The following CHRNA7 variants were observed in gnomAD, a reference collection of about 807,000 sequenced individuals.
CHRNA7 encodes the protein neuronal acetylcholine receptor subunit alpha-7.
Under a neutral mutation model 48.0 loss-of-function variants are expected in CHRNA7, and 17 were observed. That is an observed-to-expected ratio of 0.35 (90% CI 0.24 to 0.53). CHRNA7 has a LOEUF of 0.53. CHRNA7 is among the 20% of genes least tolerant of loss of function. The pLI, the probability that CHRNA7 is intolerant of heterozygous loss-of-function variation, is 0.92. For missense variants in CHRNA7, 155 were observed against 577.7 expected (o/e 0.27, Z 7.50); for synonymous variants, 75 against 242.3 (o/e 0.31, Z 6.41).
rs71476587 is a variant in CHRNA7, at chr15:32,149,219, A to G, written c.351-4688A>G. On this transcript the variant is annotated intron_variant, in intron 4 of 9. Transcript: ENST00000306901. The surrounding 1 kb of genome is among the most constrained non-coding windows in gnomAD (Gnocchi z 4.6). Reference sequence around the variant, plus strand: ...TGGCCATTTTCAGACTATTTAATACAGAACAGTTTACACACAGAAGAGGAG... The same window carrying G: ...TGGCCATTTTCAGACTATTTAATACGGAACAGTTTACACACAGAAGAGGAG... 9.9e-3 allele frequency among the ~76,000 whole-genome samples: 1,513 copies of G among 152,368 alleles called. 13 individuals carry two copies. Among genetic ancestry groups the G allele is most frequent in the Non-Finnish European group, 0.016 (1,080 of 68,040 alleles).
chr15:32,058,070 G>T (rs554366945), intron 2 of CHRNA7, among the ~76,000 whole-genome samples: 1 of 152,318 alleles, frequency 6.6e-6, no homozygotes, highest in East Asian at 1.9e-4. Flanking sequence ...AGGCCAGGGA[G>T]TGATTTACAC....
intron 4 of CHRNA7, among the ~76,000 whole-genome samples, chr15:32,127,990 A>G (rs984629969): frequency 2.0e-5 from 3 of 151,982 alleles, no homozygotes; most frequent in Non-Finnish European, 4.4e-5. Flanking sequence ...AATTTTTGGT[A>G]TGATATCTGA....
At chr15:32,140,618 T>C (rs1268950873) in intron 4 of CHRNA7, among the ~76,000 whole-genome samples, 1 of 152,236 alleles carries the variant, frequency 6.6e-6, no homozygotes, top group African/African-American at 2.4e-5. Flanking sequence ...CCATTCTAAC[T>C]GGTGTGAGAG....
At chr15:32,138,743 G>GTTTTGTTTTGTTTTGTTTTGTTTTT (rs1229217717) in intron 4 of CHRNA7, among the ~76,000 whole-genome samples, 1 of 151,420 alleles carries the variant, frequency 6.6e-6, no homozygotes, top group African/African-American at 2.4e-5. Context: ...GTTTTGTTTT[G>GTTTTGTTTTGTTTTGTTTTGTTTTT]TTTTGTTTTG....
At chr15:32,130,553 A>G (rs1454281460) in intron 4 of CHRNA7, among the ~76,000 whole-genome samples, 1 of 150,206 alleles carries the variant, frequency 6.7e-6, no homozygotes, top group Non-Finnish European at 1.5e-5. Context: ...TATTATATAT[A>G]TATATTCTTC....
chr15:32,142,484 C>A (rs1288799362), intron 4 of CHRNA7, among the ~76,000 whole-genome samples: 2 of 152,176 alleles, frequency 1.3e-5, no homozygotes, highest in African/African-American at 4.8e-5. Context: ...GGAATAGTTT[C>A]CGAAGAAATG....
intron 4 of CHRNA7, among the ~76,000 whole-genome samples, chr15:32,152,709 TG>T (rs1235747165): frequency 6.6e-6 from 1 of 152,200 alleles, no homozygotes; most frequent in East Asian, 1.9e-4. Flanking sequence ...AACCCCAGTG[TG>T]ACAGCCTGAT....
In CHRNA7 at chr15:32,149,837, A is replaced by G. The variant is rs1178464170; in HGVS notation, c.351-4070A>G. 6.6e-6 allele frequency among the ~76,000 whole-genome samples: 1 copy of G among 151,398 alleles called. No homozygotes were observed. Among genetic ancestry groups the G allele is most frequent in the Non-Finnish European group, 1.5e-5 (1 of 67,902 alleles). ...TGATCTCAAGAGTCTCTTCAATTAAATTGATCCAAATGCTTGAAAGAAAGG... is the reference window on the plus strand; with the variant it reads ...TGATCTCAAGAGTCTCTTCAATTAAGTTGATCCAAATGCTTGAAAGAAAGG... On this transcript the variant is annotated intron_variant, in intron 4 of 9. Coordinates refer to ENST00000306901, the MANE Select transcript of CHRNA7 (RefSeq NM_000746.6). The surrounding 1 kb of genome is among the most constrained non-coding windows in gnomAD (Gnocchi z 4.6).
intron 4 of CHRNA7, among the ~76,000 whole-genome samples, chr15:32,113,153 G>A (rs923269599): frequency 2.6e-5 from 4 of 152,122 alleles, no homozygotes; most frequent in Non-Finnish European, 5.9e-5. Context: ...AATTGTGGAG[G>A]CCAGAAGTCT....
rs1461366427 is a variant in CHRNA7 at position 32,149,208 on chromosome 15, CTATT to C, written c.351-4696_351-4693del. The stretch of plus-strand genomic sequence containing the variant: ...AAGAATATATTTGGCCATTTTCAGA[CTATT>C]TAATACAGAACAGTTTACACACAGA... On this transcript the variant is annotated intron_variant, in intron 4 of 9. Transcript: ENST00000306901. This position sits in a 1 kb window ranked among gnomAD's most constrained non-coding sequence, Gnocchi z 4.6. Among the ~76,000 whole-genome samples the C allele has an allele frequency of 1.3e-5, 2 of 152,220 alleles. No individual in the cohort carries two copies. The highest frequency in any genetic ancestry group is 2.9e-5 in the Non-Finnish European group (2 of 68,044).
chr15:32,042,748 C>A (rs2049471961), intron 2 of CHRNA7, among the ~76,000 whole-genome samples: 1 of 152,166 alleles, frequency 6.6e-6, no homozygotes, highest in Admixed American at 6.5e-5. Flanking sequence ...GTGTTCCCCT[C>A]TTAGTTGGGC....
intron 2 of CHRNA7, among the ~76,000 whole-genome samples, chr15:32,063,068 TAAAAG>T (rs934191883): frequency 2.0e-5 from 3 of 152,078 alleles, no homozygotes; most frequent in African/African-American, 7.2e-5. Flanking sequence ...GAATAAAAGA[TAAAAG>T]AATGATATAC....
intron 2 of CHRNA7, among the ~76,000 whole-genome samples, chr15:32,049,025 G>GTCTGAAAGACAGTTTGTTATAGTT (rs1457140245): frequency 2.0e-5 from 2 of 102,042 alleles, no homozygotes; most frequent in South Asian, 2.8e-4. Flanking sequence ...TTGCACTGTG[G>GTCTGAAAGACAGTTTGTTATAGTT]TCTGTTCTTT....
intron 2 of CHRNA7, chr15:32,098,744 C>T (rs966005090): frequency 1.3e-5 from 2 of 152,234 alleles, no homozygotes; most frequent in East Asian, 3.9e-4. Flanking sequence ...AAGTCCATGT[C>T]CTTGTCTTCC....
In CHRNA7 at chr15:32,080,555, C is replaced by T. The variant is rs114796534; in HGVS notation, c.196-20748C>T. Among the ~76,000 whole-genome samples the T allele has an allele frequency of 4.3e-3, 648 of 152,166 alleles. 2 individuals carry two copies. Among genetic ancestry groups the T allele is most frequent in the African/African-American group, 0.015 (606 of 41,510 alleles). On this transcript the variant is annotated intron_variant, in intron 2 of 9. Transcript: ENST00000306901. ...CATATGAAAAAAAAGCTCCACATCA[C>T]GAATCATTAGAGAAATGCAAGTCAA...
rs2049892829 is a variant in CHRNA7 at position 32,062,347 on chromosome 15, T to C, written c.195+31310T>C. 2.0e-5 allele frequency among the ~76,000 whole-genome samples: 3 copies of C among 152,230 alleles called. No homozygotes were observed. In the South Asian group the frequency reaches 6.2e-4, roughly 32 times the overall value. ...TTAATATATAATGTTTATATTAAAA[T>C]CTGTAAACTCATGATTCACAGCTGA... is the stretch of plus-strand genomic sequence containing the variant. On this transcript the variant is annotated intron_variant, in intron 2 of 9. Transcript: ENST00000306901.
rs574571679 is a variant in CHRNA7 at position 32,103,505 on chromosome 15, G to A, written c.240+2158G>A. On this transcript the variant is annotated intron_variant, in intron 3 of 9. Coordinates refer to ENST00000306901, the MANE Select transcript of CHRNA7 (RefSeq NM_000746.6). ...ACCCATAGCTACATGTGAGACTCCT[G>A]CAGAACCTAACATTAGTCAGGTGAG... Among the ~76,000 whole-genome samples, 29 of 146,892 alleles carry A rather than the reference G, an allele frequency of 2.0e-4. 2 individuals are homozygous for A. The highest frequency in any genetic ancestry group is 6.8e-4 in the African/African-American group (28 of 40,922).
At chr15:32,139,171 T>C (rs1393844296) in intron 4 of CHRNA7, among the ~76,000 whole-genome samples, 1 of 152,254 alleles carries the variant, frequency 6.6e-6, no homozygotes, top group Non-Finnish European at 1.5e-5. Context: ...CATTTAAGGT[T>C]CCTCCATGTT....
chr15:32,067,571 TAAAG>T (rs144321413), intron 2 of CHRNA7, among the ~76,000 whole-genome samples: 12,760 of 152,176 alleles, frequency 0.084, 704 homozygotes, highest in African/African-American at 0.14. Context: ...TATAAAGAGA[TAAAG>T]AATATCAGTA....
Sources: allele counts gnomAD v4.1 joint callset (sites outside exome capture counted in the v4.1 genomes callset), GRCh38; gene constraint gnomAD v4.1.1; non-coding constraint Gnocchi (gnomAD v3.1); transcripts MANE v1.5; gene names NCBI Gene and HGNC (gene_info 2026-07-23, HGNC 2026-07-21).